LHFPL3: variants seen among roughly 807,000 people sequenced by gnomAD.
LHFPL3 encodes LHFPL tetraspan subfamily member 3 protein.
Under a neutral mutation model 19.3 loss-of-function variants are expected in LHFPL3, and 5 were observed. The ratio of observed to expected loss-of-function variants is 0.26; its 90% CI spans 0.14 to 0.54. The LOEUF (loss-of-function observed/expected upper bound fraction) is 0.54, where lower values mean the gene tolerates loss of function less well. LHFPL3 is among the 20% of genes least tolerant of loss of function. The probability of loss-of-function intolerance (pLI) is 0.94; values close to 1 mark genes in which losing one functional copy is unlikely to be tolerated. For synonymous variants in LHFPL3, 133 were observed against 126.2 expected (o/e 1.05, Z -0.36); for missense variants, 249 against 307.4 (o/e 0.81, Z 1.42).
At chr7:104,738,613 G>T (rs547971150) in intron 2 of LHFPL3, 6 of 152,266 alleles carry the variant, frequency 3.9e-5, no homozygotes, top group African/African-American at 1.4e-4. Flanking sequence ...AAAGCAGGAA[G>T]ATTTTTACTT....
rs58242219 is a variant in LHFPL3 at position 104,442,058 on chromosome 7, C to CT, written c.445+112844dup. 3.6e-4 allele frequency among the ~76,000 whole-genome samples: 53 copies of CT among 148,282 alleles called. 1 individual carries two copies. Among genetic ancestry groups the CT allele is most frequent in the Admixed American group, 1.4e-3 (21 of 14,846 alleles). ...TCTCTACATCCTCACCAACACTTAT[C>CT]TTTTTTTTTTCTTTTTTTTCAGAAT... On this transcript the variant is annotated intron_variant, in intron 1 of 2. Coordinates refer to ENST00000424859, the MANE Select transcript of LHFPL3 (RefSeq NM_199000.3).
At position 104,880,049 on chromosome 7, in the gene LHFPL3, C is replaced by A. The variant is rs541068566; in HGVS notation, c.683-26138C>A. 2.6e-4 allele frequency among the ~76,000 whole-genome samples: 39 copies of A among 151,314 alleles called. 1 individual carries two copies. The South Asian group carries it at 7.1e-3, about 28-fold the overall frequency. On this transcript the variant is annotated intron_variant, in intron 2 of 2. Coordinates refer to ENST00000424859, the MANE Select transcript of LHFPL3 (RefSeq NM_199000.3). The stretch of plus-strand genomic sequence containing the variant: ...AACTCTGTCTCTTCAAAAAAAAAAA[C>A]CAAAGACAGGCTCTCTTTTTAGGGG...
chr7:104,626,256 T>C (rs941517973), intron 1 of LHFPL3, among the ~76,000 whole-genome samples: 1 of 152,184 alleles, frequency 6.6e-6, no homozygotes. Context: ...AGACACTCCA[T>C]GGCAGGGCTG....
chr7:104,386,129 A>G (rs1790938275), intron 1 of LHFPL3, among the ~76,000 whole-genome samples: 1 of 152,208 alleles, frequency 6.6e-6, no homozygotes, highest in Non-Finnish European at 1.5e-5. Flanking sequence ...CTGATTCACA[A>G]TGATGGTAAT....
At chr7:104,702,567 T>G (rs11982043) in intron 1 of LHFPL3, among the ~76,000 whole-genome samples, 52,140 of 152,082 alleles carry the variant, frequency 0.34, 9,335 homozygotes, top group South Asian at 0.55. Flanking sequence ...AGCTTTTCTC[T>G]TAAATTAAAG....
chr7:104,620,623 C>G (rs930170876), intron 1 of LHFPL3, among the ~76,000 whole-genome samples: 1 of 152,128 alleles, frequency 6.6e-6, no homozygotes, highest in East Asian at 1.9e-4. Context: ...CACAGCACCT[C>G]TAGCCAAATA....
At chr7:104,652,030 G>A (rs1792042799) in intron 1 of LHFPL3, among the ~76,000 whole-genome samples, 1 of 152,212 alleles carries the variant, frequency 6.6e-6, no homozygotes, top group African/African-American at 2.4e-5. Flanking sequence ...GAGACCAGGA[G>A]GAGGAGAGAG....
intron 1 of LHFPL3, among the ~76,000 whole-genome samples, chr7:104,502,603 C>T (rs1198765800): frequency 6.6e-6 from 1 of 152,046 alleles, no homozygotes; most frequent in Non-Finnish European, 1.5e-5. Context: ...CAGGGTGAAC[C>T]TAGGATGCTG....
chr7:104,632,185 G>T (rs959465525), intron 1 of LHFPL3, among the ~76,000 whole-genome samples: 4 of 152,090 alleles, frequency 2.6e-5, no homozygotes, highest in African/African-American at 9.7e-5. Flanking sequence ...GTTGGGTGAG[G>T]TCATACTTCT....
chr7:104,739,705 T>A (rs1020247281), intron 2 of LHFPL3, among the ~76,000 whole-genome samples: 2 of 152,210 alleles, frequency 1.3e-5, no homozygotes, highest in Non-Finnish European at 2.9e-5. Context: ...GGCAATGCAG[T>A]GAGACAAGCA....
intron 1 of LHFPL3, among the ~76,000 whole-genome samples, chr7:104,708,620 A>G (rs866823014): frequency 1.3e-5 from 2 of 152,154 alleles, no homozygotes; most frequent in African/African-American, 4.8e-5. Flanking sequence ...ATATTTATAT[A>G]CTATAATTAA....
At chr7:104,519,820 G>C (rs544150177) in intron 1 of LHFPL3, among the ~76,000 whole-genome samples, 1 of 152,198 alleles carries the variant, frequency 6.6e-6, no homozygotes, top group Non-Finnish European at 1.5e-5. Flanking sequence ...AGCAACTGTA[G>C]ATGCCATATT....
In LHFPL3 at chr7:104,370,942, G is replaced by A. The variant is rs902237222; in HGVS notation, c.445+41718G>A. 4.6e-5 allele frequency among the ~76,000 whole-genome samples: 7 copies of A among 152,302 alleles called. No individual in the cohort carries two copies. The South Asian group carries it at 6.2e-4, about 14-fold the overall frequency. ...TATGTAACTTTCTTAAGCTATTAAAGCTAATAAGTAACAGAGCTGAGATCT... is the reference window on the plus strand; with the variant it reads ...TATGTAACTTTCTTAAGCTATTAAAACTAATAAGTAACAGAGCTGAGATCT... On this transcript the variant is annotated intron_variant, in intron 1 of 2. Coordinates refer to ENST00000424859, the MANE Select transcript of LHFPL3 (RefSeq NM_199000.3).
chr7:104,383,414 G>T (rs984915477), intron 1 of LHFPL3, among the ~76,000 whole-genome samples: 12 of 152,206 alleles, frequency 7.9e-5, no homozygotes, highest in African/African-American at 2.9e-4. Flanking sequence ...AAGCCACATA[G>T]TAATTGGTTC....
intron 2 of LHFPL3, among the ~76,000 whole-genome samples, chr7:104,856,153 A>T (rs151074289): frequency 1.3e-5 from 2 of 152,146 alleles, no homozygotes; most frequent in African/African-American, 4.8e-5. Context: ...CAGCTGCCTC[A>T]AAGTATAATA....
intron 1 of LHFPL3, among the ~76,000 whole-genome samples, chr7:104,385,384 G>A (rs539850544): frequency 8.8e-5 from 11 of 125,288 alleles, no homozygotes; most frequent in African/African-American, 2.8e-4. Flanking sequence ...TTAATATATG[G>A]CATTCTGATT....
intron 2 of LHFPL3, among the ~76,000 whole-genome samples, chr7:104,841,493 G>GGGGTGT (rs1791206878): frequency 7.1e-6 from 1 of 140,836 alleles, no homozygotes; most frequent in African/African-American, 2.7e-5. Context: ...CATTATGTGG[G>GGGGTGT]GTGTGTGTGT....
chr7:104,529,113 A>G (rs1195811017), intron 1 of LHFPL3, among the ~76,000 whole-genome samples: 1 of 152,174 alleles, frequency 6.6e-6, no homozygotes, highest in Non-Finnish European at 1.5e-5. Flanking sequence ...CGAGAGGCCC[A>G]GGAGATGGCT....
At chr7:104,893,926 G>A (rs1308583952) in intron 2 of LHFPL3, among the ~76,000 whole-genome samples, 4 of 149,994 alleles carry the variant, frequency 2.7e-5, no homozygotes, top group African/African-American at 7.4e-5. Flanking sequence ...CACTCCAGCC[G>A]GGGCAACAGA....
Sources: allele counts gnomAD v4.1 joint callset (sites outside exome capture counted in the v4.1 genomes callset), GRCh38; gene constraint gnomAD v4.1.1; transcripts MANE v1.5; gene names NCBI Gene and HGNC (gene_info 2026-07-23, HGNC 2026-07-21).